The following ZNF492 variants were observed in gnomAD, a reference collection of about 807,000 sequenced individuals.
ZNF492 encodes zinc finger protein 492.
Under a neutral mutation model 6.4 loss-of-function variants are expected in ZNF492, and 3 were observed. That is an observed-to-expected ratio of 0.47 (90% confidence interval 0.21 to 1.22). The LOEUF is 1.22. Ranked by LOEUF, ZNF492 falls within the 50% of genes most tolerant of loss-of-function variation. The probability of loss-of-function intolerance (pLI) is 0.22; values close to 1 mark genes in which losing one functional copy is unlikely to be tolerated. For synonymous variants in ZNF492, 112 were observed against 205.3 expected (o/e 0.55, Z 3.89); for missense variants, 356 against 612.5 (o/e 0.58, Z 4.42).
intron 3 of ZNF492, among the ~76,000 whole-genome samples, chr19:22,662,183 G>T (rs1037543788): frequency 6.6e-6 from 1 of 152,066 alleles, no homozygotes; most frequent in Non-Finnish European, 1.5e-5. Flanking sequence ...AACATGTGGT[G>T]TTTGGTTTTC....
intron 1 of ZNF492, among the ~76,000 whole-genome samples, chr19:22,642,846 G>T (rs1971842136): frequency 6.6e-6 from 1 of 151,944 alleles, no homozygotes. Context: ...CTTGAAAGTT[G>T]GACACAAAGG....
At chr19:22,661,638 C>G (rs1972060065) in intron 3 of ZNF492, among the ~76,000 whole-genome samples, 1 of 152,006 alleles carries the variant, frequency 6.6e-6, no homozygotes, top group African/African-American at 2.4e-5. Context: ...CTCCTGTCAC[C>G]CAGGCTGCAG....
intron 1 of ZNF492, among the ~76,000 whole-genome samples, chr19:22,641,148 T>C (rs1456582560): frequency 2.0e-5 from 3 of 152,200 alleles, no homozygotes; most frequent in Non-Finnish European, 4.4e-5. Context: ...AGCTTAGGGG[T>C]TGATTTGCTC....
chr19:22,654,587 T>C (rs1181022671), intron 3 of ZNF492, among the ~76,000 whole-genome samples: 2 of 151,074 alleles, frequency 1.3e-5, no homozygotes, highest in South Asian at 2.1e-4. Context: ...GTGAGAATTG[T>C]ATTTTCTTTT....
At chr19:22,651,938 T>C (rs533491632) in intron 1 of ZNF492, among the ~76,000 whole-genome samples, 2 of 152,260 alleles carry the variant, frequency 1.3e-5, no homozygotes, top group Admixed American at 1.3e-4. Context: ...ATGGCAGATA[T>C]TGGTATCTGG....
At chr19:22,659,077 C>G (rs1972027585) in intron 3 of ZNF492, among the ~76,000 whole-genome samples, 1 of 151,382 alleles carries the variant, frequency 6.6e-6, no homozygotes, top group African/African-American at 2.4e-5. Context: ...TGCATTAAAT[C>G]TGTAGATTGC....
intron 3 of ZNF492, among the ~76,000 whole-genome samples, chr19:22,656,356 G>T (rs988959380): frequency 1.3e-5 from 2 of 151,158 alleles, no homozygotes; most frequent in East Asian, 3.9e-4. Flanking sequence ...TTGCTCTGTA[G>T]GGCAGACGCT....
chr19:22,658,153 G>A (rs10413062), intron 3 of ZNF492, among the ~76,000 whole-genome samples: 8,520 of 152,060 alleles, frequency 0.056, 825 homozygotes, highest in African/African-American at 0.19. Context: ...CAGTCATGGT[G>A]GTGGTTCACG....
chr19:22,658,409 A>G (rs1972019100), intron 3 of ZNF492, among the ~76,000 whole-genome samples: 1 of 151,384 alleles, frequency 6.6e-6, no homozygotes, highest in African/African-American at 2.4e-5. Flanking sequence ...TGAGACCCTG[A>G]CTCAAAAACA....
intron 1 of ZNF492, among the ~76,000 whole-genome samples, chr19:22,636,101 A>AT (rs377294086): frequency 0.086 from 11,897 of 138,936 alleles, 1,538 homozygotes; most frequent in African/African-American, 0.29. Context: ...TCTTACTTAA[A>AT]TATTTTTTTT....
At chr19:22,646,310 C>T (rs1250531778) in intron 1 of ZNF492, among the ~76,000 whole-genome samples, 1 of 152,054 alleles carries the variant, frequency 6.6e-6, no homozygotes, top group Non-Finnish European at 1.5e-5. Context: ...TGATTTGGCT[C>T]TCTGATTGTC....
rs903737559 is a variant in ZNF492, at chr19:22,667,617, A to G, written c.*2352A>G. On this transcript the variant is annotated 3_prime_UTR_variant, in exon 4 of 4. Coordinates refer to ENST00000456783, the MANE Select transcript of ZNF492 (RefSeq NM_020855.3). ...TATTTTTATAATAAAAATTATATAC[A>G]AGTATAAAATTTACACATTTCTGAG... is the stretch of plus-strand genomic sequence containing the variant. 6.6e-5 allele frequency: 10 copies of G among 151,974 alleles called. No individual in the cohort carries two copies. Among genetic ancestry groups the G allele is most frequent in the Non-Finnish European group, 1.2e-4 (8 of 67,988 alleles). The allele number at this position is 151,974 out of a possible 1,614,324, so 9.4% of individuals were successfully genotyped here.
intron 1 of ZNF492, among the ~76,000 whole-genome samples, chr19:22,651,192 A>C (rs1445921628): frequency 2.7e-5 from 4 of 150,786 alleles, no homozygotes; most frequent in African/African-American, 9.8e-5. Context: ...GGGTTGCTGC[A>C]CCACACTGCT....
chr19:22,641,828 C>T lies in ZNF492; in HGVS notation c.-94+7354C>T, dbSNP rs369551345. Among the ~76,000 whole-genome samples the T allele has an allele frequency of 6.3e-4, 96 of 152,246 alleles. 2 individuals carry two copies. The East Asian group carries it at 0.015, about 25-fold the overall frequency. ...TTATTTTTTGAGACGGAGTCTTGCT[C>T]TGTTGCCCAGGCTGGAGTGCAGTGG... On this transcript the variant is annotated intron_variant, in intron 1 of 3. Coordinates refer to ENST00000456783, the MANE Select transcript of ZNF492 (RefSeq NM_020855.3).
At chr19:22,644,169 G>A (rs1262094511) in intron 1 of ZNF492, among the ~76,000 whole-genome samples, 4 of 152,218 alleles carry the variant, frequency 2.6e-5, no homozygotes, top group African/African-American at 7.2e-5. Flanking sequence ...AATTTGTCCA[G>A]AGAATCTTAT....
intron 3 of ZNF492, among the ~76,000 whole-genome samples, chr19:22,659,760 G>A (rs1972039302): frequency 6.7e-6 from 1 of 149,968 alleles, no homozygotes; most frequent in Non-Finnish European, 1.5e-5. Flanking sequence ...CTGCCTCCTA[G>A]GTTCAAGCGA....
Position 22,665,349 on chromosome 19 carries a change from C to T in ZNF492, c.*84C>T, listed in dbSNP as rs1972113729. Reference sequence around the variant, plus strand: ...TAATTCATTCTGGAGAAAACTTCTACAAGTGTGAATGAACAGTGTGGCAAA... The same window carrying T: ...TAATTCATTCTGGAGAAAACTTCTATAAGTGTGAATGAACAGTGTGGCAAA... On this transcript the variant is annotated 3_prime_UTR_variant, in exon 4 of 4. Transcript: ENST00000456783. 6.7e-7 allele frequency: 1 copy of T among 1,499,584 alleles called. No individual in the cohort carries two copies. Among genetic ancestry groups the T allele is most frequent in the East Asian group, 2.4e-5 (1 of 41,270 alleles). 92.9% of individuals were successfully genotyped at this position (1,499,584 alleles called of 1,614,324 possible). A position where few individuals can be genotyped will look rare whatever the true frequency, so the allele number is the denominator to read the frequency against.
At chr19:22,647,355 C>T (rs1971890593) in intron 1 of ZNF492, among the ~76,000 whole-genome samples, 1 of 150,240 alleles carries the variant, frequency 6.7e-6, no homozygotes, top group East Asian at 2.0e-4. Context: ...CTCCTGGGTT[C>T]AAGTGATTGT....
chr19:22,647,223 A>G (rs28875547), intron 1 of ZNF492, among the ~76,000 whole-genome samples: 28,357 of 146,494 alleles, frequency 0.19, 3,473 homozygotes, highest in African/African-American at 0.36. Context: ...TGCTGGATTC[A>G]GTTTGCCAGT....
Sources: allele counts gnomAD v4.1 joint callset (sites outside exome capture counted in the v4.1 genomes callset), GRCh38; gene constraint gnomAD v4.1.1; transcripts MANE v1.5; gene names NCBI Gene and HGNC (gene_info 2026-07-23, HGNC 2026-07-21).